The following PPFIA2 variants were observed in gnomAD, a reference collection of about 807,000 sequenced individuals.
The protein encoded by PPFIA2 is PPFI scaffold protein A2.
PPFIA2 carries 46 observed loss-of-function variants against 175.5 expected under a neutral mutation model. That is an observed-to-expected ratio of 0.26 (90% CI 0.21 to 0.34). The LOEUF is 0.34. Ranked by LOEUF, PPFIA2 falls within the 10% of genes least tolerant of loss-of-function variation. PPFIA2 has a pLI of 1.00. For synonymous variants in PPFIA2, 568 were observed against 511.4 expected (o/e 1.11, Z -1.49); for missense variants, 1,179 against 1,506.1 (o/e 0.78, Z 3.60).
chr12:81,314,188 A>C (rs2051729441), intron 22 of PPFIA2, among the ~76,000 whole-genome samples: 1 of 151,916 alleles, frequency 6.6e-6, no homozygotes, highest in Non-Finnish European at 1.5e-5. Context: ...CTATAGTTAT[A>C]AATGACCCAT....
intron 8 of PPFIA2, among the ~76,000 whole-genome samples, chr12:81,401,315 T>C (rs1347235513): frequency 1.3e-5 from 2 of 152,168 alleles, no homozygotes; most frequent in East Asian, 3.9e-4. Flanking sequence ...GATGATGTAA[T>C]TCATTGAATA....
At chr12:81,726,804 C>A (rs2080146092) in intron 3 of PPFIA2, among the ~76,000 whole-genome samples, 1 of 151,204 alleles carries the variant, frequency 6.6e-6, no homozygotes, top group Non-Finnish European at 1.5e-5. Flanking sequence ...CACACCATTG[C>A]CTTTAAGCTT....
chr12:81,278,388 A>T (rs1198705060), intron 27 of PPFIA2, among the ~76,000 whole-genome samples: 1 of 152,008 alleles, frequency 6.6e-6, no homozygotes. Context: ...TAAAAGTACA[A>T]AAATTAGCTG....
chr12:81,638,482 T>G (rs1268693007), intron 4 of PPFIA2, among the ~76,000 whole-genome samples: 2 of 151,912 alleles, frequency 1.3e-5, no homozygotes, highest in Admixed American at 6.6e-5. Context: ...AGCCATAAGT[T>G]AGATGATTTT....
At position 81,362,878 on chromosome 12, in the gene PPFIA2, CTG is replaced by C. The variant is rs369349249; in HGVS notation, c.1546-96_1546-95del. 2.0e-4 allele frequency: 144 copies of C among 722,934 alleles called. 1 individual carries two copies. The highest frequency in any genetic ancestry group is 1.9e-3 in the East Asian group (68 of 35,754). The allele number at this position is 722,934 out of a possible 1,614,324, so 44.8% of individuals were successfully genotyped here. ...AATGATTTTTTTTAAAAAGGAAAAACTGAGGATATATTTTTATTAAAGGTTAT... is the reference window on the plus strand; with the variant it reads ...AATGATTTTTTTTAAAAAGGAAAAACAGGATATATTTTTATTAAAGGTTAT... On this transcript the variant is annotated intron_variant, in intron 14 of 32. Transcript: ENST00000549396.
chr12:81,685,120 G>A (rs2074244761), intron 3 of PPFIA2, among the ~76,000 whole-genome samples: 1 of 151,958 alleles, frequency 6.6e-6, no homozygotes, highest in Admixed American at 6.6e-5. Context: ...CACAGCACTG[G>A]GAATAAGTAA....
At chr12:81,717,256 T>G (rs2078746410) in intron 3 of PPFIA2, among the ~76,000 whole-genome samples, 1 of 150,122 alleles carries the variant, frequency 6.7e-6, no homozygotes, top group African/African-American at 2.4e-5. Flanking sequence ...GCATTTCATA[T>G]AATTTTGATG....
At chr12:81,484,579 T>A (rs1233805525) in intron 4 of PPFIA2, among the ~76,000 whole-genome samples, 1 of 152,006 alleles carries the variant, frequency 6.6e-6, no homozygotes, top group Non-Finnish European at 1.5e-5. Context: ...TCCCATGAAT[T>A]CACATAATAG....
At chr12:81,578,054 G>A (rs1043487753) in intron 4 of PPFIA2, among the ~76,000 whole-genome samples, 7 of 151,650 alleles carry the variant, frequency 4.6e-5, no homozygotes, top group Non-Finnish European at 8.8e-5. Context: ...TCATTCACAG[G>A]ACCAGCAATT....
chr12:81,404,576 G>T (rs1457132982), intron 8 of PPFIA2, among the ~76,000 whole-genome samples: 2 of 152,164 alleles, frequency 1.3e-5, no homozygotes, highest in African/African-American at 2.4e-5. Context: ...TAAAGCTAAT[G>T]AAATACGTCA....
chr12:81,504,242 A>G (rs1252013986), intron 4 of PPFIA2, among the ~76,000 whole-genome samples: 1 of 152,156 alleles, frequency 6.6e-6, no homozygotes, highest in African/African-American at 2.4e-5. Context: ...TTTGCAATCT[A>G]TCCATCTGAC....
Position 81,620,421 on chromosome 12 carries a change from T to C in PPFIA2, c.303+56370A>G, listed in dbSNP as rs534980994. Among the ~76,000 whole-genome samples, 3 of 152,110 alleles carry C rather than the reference T, an allele frequency of 2.0e-5. No homozygotes were observed. The East Asian group carries it at 5.8e-4, about 29-fold the overall frequency. ...TCCAGAAGGGATGTTATAATGGATG[T>C]TTTAATGCATCTTTTTTTTTGTATT... On this transcript the variant is annotated intron_variant, in intron 4 of 32. Transcript: ENST00000549396.
chr12:81,720,603 C>A (rs974026376), intron 3 of PPFIA2, among the ~76,000 whole-genome samples: 1 of 151,306 alleles, frequency 6.6e-6, no homozygotes, highest in Non-Finnish European at 1.5e-5. Flanking sequence ...GGCCCTGTGA[C>A]TCAAATTAGG....
intron 3 of PPFIA2, among the ~76,000 whole-genome samples, chr12:81,699,725 C>A (rs111845304): frequency 2.0e-5 from 3 of 151,904 alleles, no homozygotes; most frequent in African/African-American, 7.2e-5. Flanking sequence ...TAATATTAAG[C>A]AATTTCAATT....
intron 24 of PPFIA2, among the ~76,000 whole-genome samples, chr12:81,286,172 T>C (rs933031025): frequency 2.6e-5 from 4 of 152,102 alleles, no homozygotes; most frequent in African/African-American, 9.7e-5. Flanking sequence ...ACAATGTATT[T>C]GTGTTTTAAG....
chr12:81,378,976 C>A (rs990980391), intron 9 of PPFIA2, among the ~76,000 whole-genome samples: 1 of 152,006 alleles, frequency 6.6e-6, no homozygotes, highest in African/African-American at 2.4e-5. Context: ...AAAACACCCT[C>A]GATAAATAAT....
At chr12:81,620,660 T>C (rs1001861859) in intron 4 of PPFIA2, among the ~76,000 whole-genome samples, 2 of 152,152 alleles carry the variant, frequency 1.3e-5, no homozygotes, top group Non-Finnish European at 2.9e-5. Flanking sequence ...TAGTGACACA[T>C]TGGGGAAGAA....
At chr12:81,342,621 C>T (rs544048413) in intron 19 of PPFIA2, among the ~76,000 whole-genome samples, 7 of 151,976 alleles carry the variant, frequency 4.6e-5, no homozygotes, top group African/African-American at 7.3e-5. Flanking sequence ...TAACTGCTTT[C>T]GGATTGATTC....
intron 4 of PPFIA2, among the ~76,000 whole-genome samples, chr12:81,613,212 A>G (rs2061105975): frequency 1.3e-5 from 2 of 152,162 alleles, no homozygotes; most frequent in South Asian, 4.1e-4. Flanking sequence ...TTCTTCACCT[A>G]TCACTCTGGA....
Sources: gnomAD v4.1 joint callset for allele counts (sites outside exome capture counted in the v4.1 genomes callset) on GRCh38, gnomAD v4.1.1 for gene constraint, MANE v1.5 for transcripts, NCBI Gene and HGNC (gene_info 2026-07-23, HGNC 2026-07-21) for gene names.